SHANK2: variants seen among roughly 807,000 people sequenced by gnomAD.
SHANK2 encodes the protein SH3 and multiple ankyrin repeat domains protein 2.
In SHANK2, 43 loss-of-function variants were observed where a neutral mutation model predicts 133.7. That is an observed-to-expected ratio of 0.32 (90% CI 0.25 to 0.41). The LOEUF is 0.41. Ranked by LOEUF, SHANK2 falls within the 10% of genes least tolerant of loss-of-function variation. The probability of loss-of-function intolerance (pLI) is 1.00; values close to 1 mark genes in which losing one functional copy is unlikely to be tolerated. For missense variants in SHANK2, 1,994 were observed against 2,235.8 expected, an observed-to-expected ratio of 0.89 and a Z score of 2.18; for synonymous variants, 1,017 against 952.8, an observed-to-expected ratio of 1.07 and a Z score of -1.24.
At chr11:70,743,309 G>A (rs73529940) in intron 14 of SHANK2, among the ~76,000 whole-genome samples, 2,107 of 152,322 alleles carry the variant, frequency 0.014, 48 homozygotes, top group African/African-American at 0.048. Context: ...GGAGGTGGGG[G>A]CTTTGGGAGG....
rs116553001 is a variant in SHANK2 at position 70,788,229 on chromosome 11, G to A, written c.1777+10214C>T. ...GGATGAGGACTTTCCTCATTGTGTC[G>A]TCTTCTTATCAATGGCCACAGACAA... On this transcript the variant is annotated intron_variant, in intron 14 of 25. Coordinates refer to ENST00000601538, the MANE Select transcript of SHANK2 (RefSeq NM_012309.5). Among the ~76,000 whole-genome samples, 1,012 of 152,222 alleles carry A rather than the reference G, an allele frequency of 6.6e-3. 10 individuals are homozygous for A. The highest frequency in any genetic ancestry group is 0.023 in the African/African-American group (964 of 41,512).
At chr11:71,153,457 T>G (rs1348656665) in intron 2 of SHANK2, among the ~76,000 whole-genome samples, 1 of 152,164 alleles carries the variant, frequency 6.6e-6, no homozygotes, top group Non-Finnish European at 1.5e-5. Context: ...GCTAACTTGC[T>G]CCAAGAAAAC....
intron 14 of SHANK2, among the ~76,000 whole-genome samples, chr11:70,716,895 G>C (rs1157785704): frequency 7.2e-6 from 1 of 138,392 alleles, no homozygotes; most frequent in African/African-American, 2.9e-5. Context: ...GGGTCCCGGA[G>C]CCCCCCCCCC....
intron 2 of SHANK2, among the ~76,000 whole-genome samples, chr11:71,157,591 C>G (rs540531933): frequency 6.6e-6 from 1 of 152,298 alleles, no homozygotes; most frequent in East Asian, 1.9e-4. Context: ...AGAGAAGAGT[C>G]TGTCTGGCTT....
At chr11:70,666,853 G>A (rs1298088676) in intron 15 of SHANK2, among the ~76,000 whole-genome samples, 2 of 152,126 alleles carry the variant, frequency 1.3e-5, no homozygotes, top group African/African-American at 4.8e-5. Context: ...ACATTGACCC[G>A]TGCTTATTGA....
intron 11 of SHANK2, chr11:70,863,799 T>C: frequency 2.2e-6 from 1 of 457,622 alleles, no homozygotes; most frequent in South Asian, 1.5e-5. Context: ...AGAGGTGTGT[T>C]GTAAGAAGAG....
chr11:70,542,170 C>A (rs1044931459), intron 17 of SHANK2, among the ~76,000 whole-genome samples: 8 of 152,346 alleles, frequency 5.3e-5, no homozygotes, highest in African/African-American at 1.9e-4. Context: ...ATGCCTTTAA[C>A]CCCTGGCACC....
At chr11:71,199,730 A>G (rs527586108) in intron 2 of SHANK2, among the ~76,000 whole-genome samples, 1 of 152,254 alleles carries the variant, frequency 6.6e-6, no homozygotes, top group South Asian at 2.1e-4. Flanking sequence ...GGCCGCACGG[A>G]CACCGCACCC....
At chr11:70,864,379 T>A (rs1818892733) in intron 11 of SHANK2, 1 of 157,744 alleles carries the variant, frequency 6.3e-6, no homozygotes, top group South Asian at 1.9e-4. Context: ...ACCCTGACAG[T>A]GCTTAATGAC....
At chr11:71,179,649 T>C (rs1340718971) in intron 2 of SHANK2, among the ~76,000 whole-genome samples, 1 of 152,182 alleles carries the variant, frequency 6.6e-6, no homozygotes, top group Non-Finnish European at 1.5e-5. Context: ...AAACCATCCT[T>C]GTTTGCAGAA....
intron 14 of SHANK2, among the ~76,000 whole-genome samples, chr11:70,722,611 A>C (rs983284852): frequency 1.3e-5 from 2 of 152,242 alleles, no homozygotes; most frequent in Non-Finnish European, 2.9e-5. Flanking sequence ...TAAAGATAAC[A>C]AGGGGAATCC....
rs1491233795 is a variant in SHANK2 at position 71,093,052 on chromosome 11, G to GGT, written c.745-464_745-463insAC. ...AGCAAAGCTCAGTCTCAAAAATAAA[G>GGT]GGGGGGGGGGGCAGGTATAACTTTA... On this transcript the variant is annotated intron_variant, in intron 7 of 25. Coordinates refer to ENST00000601538, the MANE Select transcript of SHANK2 (RefSeq NM_012309.5). 4.4e-3 allele frequency among the ~76,000 whole-genome samples: 34 copies of GGT among 7,794 alleles called. 1 individual carries two copies. Among genetic ancestry groups the GGT allele is most frequent in the Admixed American group, 0.02 (8 of 410 alleles). 5.1% of individuals were successfully genotyped at this position (7,794 alleles called of 152,430 possible). A position where few individuals can be genotyped will look rare whatever the true frequency, so the allele number is the denominator to read the frequency against.
At chr11:70,937,729 C>G (rs1198056001) in intron 10 of SHANK2, among the ~76,000 whole-genome samples, 1 of 151,270 alleles carries the variant, frequency 6.6e-6, no homozygotes, top group Non-Finnish European at 1.5e-5. Context: ...TTTTAAAAGG[C>G]AAAGCTTGGA....
chr11:70,508,314 C>T (rs2059159516), intron 17 of SHANK2, among the ~76,000 whole-genome samples: 1 of 152,184 alleles, frequency 6.6e-6, no homozygotes, highest in South Asian at 2.1e-4. Flanking sequence ...ACAGAATGCT[C>T]AGCACCCCTC....
At chr11:71,236,983 G>T (rs1954833195) in intron 1 of SHANK2, among the ~76,000 whole-genome samples, 1 of 152,236 alleles carries the variant, frequency 6.6e-6, no homozygotes, top group African/African-American at 2.4e-5. Flanking sequence ...CTGCGGGCCT[G>T]GGAGGCTGTC....
rs1359323362 is a variant in SHANK2, at chr11:71,221,698, G to A, written c.-13+2999C>T. Among the ~76,000 whole-genome samples, 5 of 152,082 alleles carry A rather than the reference G, an allele frequency of 3.3e-5. No homozygotes were observed. The East Asian group carries it at 5.8e-4, about 18-fold the overall frequency. ...GGAACCCTTCTGCCACTAATTATGC[G>A]ATACCCTGGCTGCTCACTAAATTAC... is the stretch of plus-strand genomic sequence containing the variant. On this transcript the variant is annotated intron_variant, in intron 2 of 25. Transcript: ENST00000601538.
chr11:70,755,660 T>C (rs2134934608), intron 14 of SHANK2, among the ~76,000 whole-genome samples: 1 of 152,066 alleles, frequency 6.6e-6, no homozygotes, highest in Non-Finnish European at 1.5e-5. Flanking sequence ...AGGGACTCAC[T>C]CCTGGAGGCC....
chr11:71,071,803 C>T (rs1215082632), intron 9 of SHANK2, among the ~76,000 whole-genome samples: 2 of 152,218 alleles, frequency 1.3e-5, no homozygotes, highest in East Asian at 3.9e-4. Flanking sequence ...GCTTGAGATT[C>T]CACCCCGGAG....
At chr11:70,623,099 C>A (rs1248277097) in intron 17 of SHANK2, among the ~76,000 whole-genome samples, 1 of 152,144 alleles carries the variant, frequency 6.6e-6, no homozygotes, top group Non-Finnish European at 1.5e-5. Context: ...TGGCGTGAAC[C>A]CGGGAGGCGG....
Sources: gnomAD v4.1 joint callset for allele counts (sites outside exome capture counted in the v4.1 genomes callset) on GRCh38, gnomAD v4.1.1 for gene constraint, MANE v1.5 for transcripts, NCBI Gene and HGNC (gene_info 2026-07-23, HGNC 2026-07-21) for gene names.